POLR2D: variants seen among roughly 807,000 people sequenced by gnomAD.
The protein encoded by POLR2D is RNA polymerase II subunit D.
A neutral mutation model predicts 17.6 loss-of-function variants in POLR2D; 10 were observed. The ratio of observed to expected loss-of-function variants is 0.57; its 90% confidence interval spans 0.35 to 0.96. The LOEUF (loss-of-function observed/expected upper bound fraction) is 0.96, where lower values mean the gene tolerates loss of function less well. Ranked by LOEUF, POLR2D falls within the 40% of genes least tolerant of loss-of-function variation. POLR2D has a pLI of 0.02. For missense variants in POLR2D, 126 were observed against 176.4 expected (o/e 0.71, Z 1.62); for synonymous variants, 52 against 60.2 (o/e 0.86, Z 0.63).
rs770230619 is a variant in POLR2D at position 127,848,094 on chromosome 2, T to C, written c.*13A>G. On this transcript the variant is annotated 3_prime_UTR_variant, in exon 4 of 4. Coordinates refer to ENST00000272645, the MANE Select transcript of POLR2D (RefSeq NM_004805.4). ...GGGATGTGGTTTCTCCGAGCAGCAGTGATGTTTGGAGATTAATACTGAAAG... is the reference window on the plus strand; with the variant it reads ...GGGATGTGGTTTCTCCGAGCAGCAGCGATGTTTGGAGATTAATACTGAAAG... 1.3e-6 allele frequency: 2 copies of C among 1,569,996 alleles called. No individual in the cohort carries two copies. The highest frequency in any genetic ancestry group is 1.7e-4 in the Middle Eastern group (1 of 6,004).
intron 1 of POLR2D, among the ~76,000 whole-genome samples, chr2:127,855,821 A>T (rs1326707090): frequency 2.6e-5 from 4 of 152,216 alleles, no homozygotes; most frequent in African/African-American, 9.6e-5. Context: ...ACACACACAC[A>T]CAATTTATTT....
chr2:127,843,934 C>G lies in POLR2D; in HGVS notation c.*4173G>C, dbSNP rs775818281. The stretch of plus-strand genomic sequence containing the variant: ...ACCAGCCTGGGCAACATGGCGAAAC[C>G]CCGTCTCTACAAAAAATAAATTAGC... On this transcript the variant is annotated 3_prime_UTR_variant, in exon 4 of 4. Transcript: ENST00000272645. 6.5e-6 allele frequency: 1 copy of G among 153,318 alleles called. No individual in the cohort carries two copies. The highest frequency in any genetic ancestry group is 1.5e-5 in the Non-Finnish European group (1 of 68,006). The allele number at this position is 153,318 out of a possible 1,614,324, so 9.5% of individuals were successfully genotyped here. A position where few individuals can be genotyped will look rare whatever the true frequency, so the allele number is the denominator to read the frequency against.
chr2:127,852,497 C>T lies in POLR2D; in HGVS notation c.254+428G>A, dbSNP rs769879780. On this transcript the variant is annotated intron_variant, in intron 2 of 3. Transcript: ENST00000272645. This position sits in a 1 kb window ranked among gnomAD's most constrained non-coding sequence, Gnocchi z 4.0. ...CTGGCCTCAAGAGACTGGTCCACCT[C>T]AGCTCCACAAAGTGTGGATTACAGG... 3.3e-5 allele frequency among the ~76,000 whole-genome samples: 5 copies of T among 151,988 alleles called. No homozygotes were observed. The highest frequency in any genetic ancestry group is 4.8e-5 in the African/African-American group (2 of 41,372).
chr2:127,855,547 T>A (rs949909657), intron 1 of POLR2D, among the ~76,000 whole-genome samples: 6 of 152,158 alleles, frequency 3.9e-5, no homozygotes, highest in Non-Finnish European at 5.9e-5. Flanking sequence ...GTACTACTAA[T>A]ACATTACCCT....
chr2:127,854,449 C>G (rs750029222), intron 1 of POLR2D, among the ~76,000 whole-genome samples: 1 of 152,170 alleles, frequency 6.6e-6, no homozygotes, highest in Non-Finnish European at 1.5e-5. Flanking sequence ...TGAGGAAAAG[C>G]CAAAACGACT....
At position 127,845,037 on chromosome 2, in the gene POLR2D, C is replaced by T. The variant is rs1318661536; in HGVS notation, c.*3070G>A. Reference sequence around the variant, plus strand: ...TAACTATGTGCCAGAGCATTATATACTTCAGTATTCTCAGGTAGCTCACAG... The same window carrying T: ...TAACTATGTGCCAGAGCATTATATATTTCAGTATTCTCAGGTAGCTCACAG... On this transcript the variant is annotated 3_prime_UTR_variant, in exon 4 of 4. Coordinates refer to ENST00000272645, the MANE Select transcript of POLR2D (RefSeq NM_004805.4). The T allele has an allele frequency of 6.6e-6, 1 of 152,156 alleles. No individual in the cohort carries two copies. Among genetic ancestry groups the T allele is most frequent in the Admixed American group, 6.6e-5 (1 of 15,262 alleles). The allele number at this position is 152,156 out of a possible 1,614,324, so 9.4% of individuals were successfully genotyped here. A position where few individuals can be genotyped will look rare whatever the true frequency, so the allele number is the denominator to read the frequency against.
intron 1 of POLR2D, chr2:127,857,113 G>C (rs778923591): frequency 2.0e-5 from 3 of 152,144 alleles, no homozygotes; most frequent in Admixed American, 6.5e-5. Flanking sequence ...AGGAGTTTGA[G>C]ACCAGCCTGG....
rs1366475469 is a variant in POLR2D at position 127,847,778 on chromosome 2, A to C, written c.*329T>G. On this transcript the variant is annotated 3_prime_UTR_variant, in exon 4 of 4. Coordinates refer to ENST00000272645, the MANE Select transcript of POLR2D (RefSeq NM_004805.4). ...AAACACCCTGAAATTAAAACATGAA[A>C]TATTAAGAAAAAAGATGATGTGGAG... The C allele has an allele frequency of 6.7e-6, 2 of 297,572 alleles. No individual in the cohort carries two copies. Among genetic ancestry groups the C allele is most frequent in the East Asian group, 1.9e-4 (2 of 10,730 alleles). The allele number at this position is 297,572 out of a possible 1,614,324, so 18.4% of individuals were successfully genotyped here.
intron 1 of POLR2D, 116 bp downstream of exon 1, chr2:127,857,912 G>T: frequency 1.4e-6 from 2 of 1,432,186 alleles, no homozygotes; most frequent in Non-Finnish European, 1.8e-6. Context: ...CCCACGCCGC[G>T]CTGGGGCTTG....
rs1405298898 is a variant in POLR2D at position 127,844,845 on chromosome 2, G to C, written c.*3262C>G. 1 of 152,090 alleles carries C rather than the reference G, an allele frequency of 6.6e-6. No individual in the cohort carries two copies. The highest frequency in any genetic ancestry group is 1.5e-5 in the Non-Finnish European group (1 of 68,056). The allele number at this position is 152,090 out of a possible 1,614,324, so 9.4% of individuals were successfully genotyped here. A position where few individuals can be genotyped will look rare whatever the true frequency, so the allele number is the denominator to read the frequency against. On this transcript the variant is annotated 3_prime_UTR_variant, in exon 4 of 4. Transcript: ENST00000272645. ...ATTTTTGTATTTTTAGTAGAGACAG[G>C]GTTTCACAACGTTGGCCAGGCTGGT...
Position 127,847,823 on chromosome 2 carries a change from G to T in POLR2D, c.*284C>A, listed in dbSNP as rs566476864. 4.9e-6 allele frequency: 2 copies of T among 412,030 alleles called. No homozygotes were observed. Among genetic ancestry groups the T allele is most frequent in the Non-Finnish European group, 8.8e-6 (2 of 227,896 alleles). The allele number at this position is 412,030 out of a possible 1,614,324, so 25.5% of individuals were successfully genotyped here. ...GTGGAGGCCAAAAACCAGGAATGAG[G>T]TAGTCAACAGTGTGGTTATGTGACC... On this transcript the variant is annotated 3_prime_UTR_variant, in exon 4 of 4. Coordinates refer to ENST00000272645, the MANE Select transcript of POLR2D (RefSeq NM_004805.4).
chr2:127,857,756 C>G (rs13032850), intron 1 of POLR2D: 466,522 of 1,215,550 alleles, frequency 0.38, 94,779 homozygotes, highest in South Asian at 0.66. Flanking sequence ...GTTTAAAAAT[C>G]TGTCCTTACC....
At chr2:127,853,547 T>C (rs1690282574) in intron 1 of POLR2D, among the ~76,000 whole-genome samples, 1 of 151,446 alleles carries the variant, frequency 6.6e-6, no homozygotes, top group Non-Finnish European at 1.5e-5. Flanking sequence ...AAAGATATGA[T>C]TTCGTTCTTT....
At chr2:127,856,099 A>G (rs927086939) in intron 1 of POLR2D, among the ~76,000 whole-genome samples, 31 of 151,800 alleles carry the variant, frequency 2.0e-4, no homozygotes, top group African/African-American at 7.5e-4. Context: ...CCTGGGCCAC[A>G]TGGTGAAACC....
At chr2:127,849,209 T>TA (rs1558981096) in intron 3 of POLR2D, among the ~76,000 whole-genome samples, 1 of 151,864 alleles carries the variant, frequency 6.6e-6, no homozygotes, top group East Asian at 1.9e-4. Context: ...CACACCCAGC[T>TA]AATTTTGTAT....
chr2:127,858,018 C>T lies in POLR2D; in HGVS notation c.73+10G>A. The T allele has an allele frequency of 6.3e-7, 1 of 1,577,586 alleles. No homozygotes were observed. The highest frequency in any genetic ancestry group is 1.8e-5 in the Admixed American group (1 of 56,054). Reference sequence around the variant, plus strand: ...GTGGCGCGGGGGAGTCTGGCAGCCCCGAGCCCAACCTTTAGGAAAGATGAG... The same window carrying T: ...GTGGCGCGGGGGAGTCTGGCAGCCCTGAGCCCAACCTTTAGGAAAGATGAG... On this transcript the variant is annotated intron_variant, in intron 1 of 3. Coordinates refer to ENST00000272645, the MANE Select transcript of POLR2D (RefSeq NM_004805.4).
At chr2:127,857,419 T>TA (rs1163320954) in intron 1 of POLR2D, among the ~76,000 whole-genome samples, 2 of 152,174 alleles carry the variant, frequency 1.3e-5, no homozygotes, top group Non-Finnish European at 2.9e-5. Flanking sequence ...CCCAACCACT[T>TA]AAAGTGCGTG....
Position 127,845,356 on chromosome 2 carries a change from T to C in POLR2D, c.*2751A>G, listed in dbSNP as rs1218578322. ...TAAAAAACGAAAGTTAACTGTAGAT[T>C]TGGGTAAGCAATTTCACTTTTTTTT... is the stretch of plus-strand genomic sequence containing the variant. On this transcript the variant is annotated 3_prime_UTR_variant, in exon 4 of 4. Coordinates refer to ENST00000272645, the MANE Select transcript of POLR2D (RefSeq NM_004805.4). The C allele has an allele frequency of 6.7e-6, 1 of 149,732 alleles. No homozygotes were observed. The highest frequency in any genetic ancestry group is 1.5e-5 in the Non-Finnish European group (1 of 67,786). 9.3% of individuals were successfully genotyped at this position (149,732 alleles called of 1,614,324 possible).
Position 127,843,723 on chromosome 2 carries a change from C to T in POLR2D, c.*4384G>A, listed in dbSNP as rs1690105795. The stretch of plus-strand genomic sequence containing the variant: ...CTCCCACCCAATTGATACATTGAAC[C>T]CATCACTGATGTAGTATTAAGAGGT... On this transcript the variant is annotated 3_prime_UTR_variant, in exon 4 of 4. Coordinates refer to ENST00000272645, the MANE Select transcript of POLR2D (RefSeq NM_004805.4). The T allele has an allele frequency of 6.5e-6, 1 of 153,170 alleles. No homozygotes were observed. The highest frequency in any genetic ancestry group is 2.4e-5 in the African/African-American group (1 of 41,394). 9.5% of individuals were successfully genotyped at this position (153,170 alleles called of 1,614,324 possible).
Sources: gnomAD v4.1 joint callset for allele counts (sites outside exome capture counted in the v4.1 genomes callset) on GRCh38, gnomAD v4.1.1 for gene constraint, Gnocchi (gnomAD v3.1) non-coding constraint, MANE v1.5 for transcripts, NCBI Gene and HGNC (gene_info 2026-07-23, HGNC 2026-07-21) for gene names.